The following DCC variants were observed in gnomAD, a reference collection of about 807,000 sequenced individuals.
DCC encodes the protein DCC netrin 1 receptor.
Under a neutral mutation model 172.5 loss-of-function variants are expected in DCC, and 58 were observed. The observed-to-expected ratio is 0.34, with a 90% CI of 0.27 to 0.42. DCC has a LOEUF of 0.42. Among genes scored for constraint, DCC ranks in the 10% least tolerant of loss-of-function variants. The pLI, the probability that DCC is intolerant of heterozygous loss-of-function variation, is 1.00. For missense variants in DCC, 1,740 were observed against 1,791.0 expected (o/e 0.97, Z 0.51); for synonymous variants, 709 against 644.5 (o/e 1.10, Z -1.52).
intron 15 of DCC, among the ~76,000 whole-genome samples, chr18:53,374,513 T>C (rs770089387): frequency 1.3e-5 from 2 of 152,182 alleles, no homozygotes; most frequent in African/African-American, 2.4e-5. Flanking sequence ...ATGTCACCCA[T>C]TGAAGACAAG....
chr18:52,475,564 G>A (rs150099340), intron 1 of DCC, among the ~76,000 whole-genome samples: 2 of 152,040 alleles, frequency 1.3e-5, no homozygotes, highest in Non-Finnish European at 2.9e-5. Context: ...TTATTTAAAG[G>A]CAAAGCGAGT....
At chr18:53,011,365 C>T (rs1236848890) in intron 5 of DCC, among the ~76,000 whole-genome samples, 1 of 151,336 alleles carries the variant, frequency 6.6e-6, no homozygotes, top group Non-Finnish European at 1.5e-5. Context: ...AATATAACCC[C>T]ATATTTTTTA....
chr18:53,491,997 A>T (rs1368042471), intron 26 of DCC, among the ~76,000 whole-genome samples: 3 of 152,056 alleles, frequency 2.0e-5, no homozygotes, highest in African/African-American at 7.2e-5. Flanking sequence ...TTTTAATGAT[A>T]GCTATTCTAA....
chr18:52,815,405 C>T (rs2038275410), intron 2 of DCC, among the ~76,000 whole-genome samples: 1 of 50,264 alleles, frequency 2.0e-5, no homozygotes, highest in Non-Finnish European at 4.4e-5. Flanking sequence ...CTTGCCTTCT[C>T]ACACGTACAC....
chr18:52,472,350 A>G (rs1988971718), intron 1 of DCC, among the ~76,000 whole-genome samples: 1 of 152,050 alleles, frequency 6.6e-6, no homozygotes, highest in African/African-American at 2.4e-5. Flanking sequence ...CTTTTATCCC[A>G]TCAAAAGCAA....
intron 1 of DCC, among the ~76,000 whole-genome samples, chr18:52,357,983 G>A (rs1430696028): frequency 1.3e-5 from 2 of 151,316 alleles, no homozygotes; most frequent in Non-Finnish European, 2.9e-5. Flanking sequence ...TCAGCCAGGT[G>A]ATCAAAGTCA....
chr18:53,476,187 G>A (rs1031642474), intron 25 of DCC, among the ~76,000 whole-genome samples: 1 of 152,212 alleles, frequency 6.6e-6, no homozygotes, highest in African/African-American at 2.4e-5. Context: ...GAAAGGACTT[G>A]CCTTGTCTCA....
chr18:52,888,448 C>A (rs1376002640), intron 2 of DCC, among the ~76,000 whole-genome samples: 7 of 151,996 alleles, frequency 4.6e-5, no homozygotes, highest in Admixed American at 3.9e-4. Context: ...GAGTTTGAAT[C>A]ATATTAAAAA....
intron 1 of DCC, among the ~76,000 whole-genome samples, chr18:52,726,209 C>G (rs1216675678): frequency 2.6e-5 from 4 of 152,126 alleles, no homozygotes; most frequent in African/African-American, 7.2e-5. Context: ...ACGTGGCTTG[C>G]TAATGTCACA....
intron 11 of DCC, among the ~76,000 whole-genome samples, chr18:53,212,702 A>G (rs1211516736): frequency 6.7e-6 from 1 of 149,958 alleles, no homozygotes; most frequent in African/African-American, 2.5e-5. Context: ...ACAGAGTCTC[A>G]CTGTCTTGCC....
At chr18:52,381,774 G>A (rs1166766988) in intron 1 of DCC, among the ~76,000 whole-genome samples, 2 of 152,072 alleles carry the variant, frequency 1.3e-5, no homozygotes, top group East Asian at 3.9e-4. Flanking sequence ...TTCTGCCCTA[G>A]CGAGCTCATT....
intron 12 of DCC, among the ~76,000 whole-genome samples, chr18:53,258,965 G>T (rs899543834): frequency 7.9e-5 from 12 of 152,094 alleles, no homozygotes; most frequent in Non-Finnish European, 1.6e-4. Context: ...ATTATGTAAT[G>T]GCCTTCTGTG....
Position 53,343,340 on chromosome 18 carries a change from T to A in DCC, c.2359+3433T>A, listed in dbSNP as rs905113896. On this transcript the variant is annotated intron_variant, in intron 15 of 28. Coordinates refer to ENST00000442544, the MANE Select transcript of DCC (RefSeq NM_005215.4). ...TTGTGAGATTAAAGAAATGCTATACTCTTTCTAGTTTTCTAGAAATTCTGG... is the reference window on the plus strand; with the variant it reads ...TTGTGAGATTAAAGAAATGCTATACACTTTCTAGTTTTCTAGAAATTCTGG... 5.7e-4 allele frequency among the ~76,000 whole-genome samples: 86 copies of A among 152,008 alleles called. 1 individual carries two copies. The highest frequency in any genetic ancestry group is 7.4e-5 in the Non-Finnish European group (5 of 67,866).
chr18:53,262,077 A>C (rs1409699561), intron 12 of DCC, among the ~76,000 whole-genome samples: 1 of 152,212 alleles, frequency 6.6e-6, no homozygotes, highest in African/African-American at 2.4e-5. Flanking sequence ...ATCTATAGTA[A>C]GTTTCTGTTC....
intron 19 of DCC, among the ~76,000 whole-genome samples, chr18:53,408,363 G>A (rs1269833416): frequency 6.6e-6 from 1 of 152,106 alleles, no homozygotes; most frequent in Non-Finnish European, 1.5e-5. Flanking sequence ...GTTTCACAGG[G>A]GAAATAGTTG....
At chr18:52,807,080 A>G (rs1325861568) in intron 2 of DCC, among the ~76,000 whole-genome samples, 2 of 152,186 alleles carry the variant, frequency 1.3e-5, no homozygotes, top group African/African-American at 4.8e-5. Flanking sequence ...CTGTAGTCCC[A>G]GCTACTCGGG....
rs75685468 is a variant in DCC at position 52,716,031 on chromosome 18, C to A, written c.92-36023C>A. Among the ~76,000 whole-genome samples the A allele has an allele frequency of 6.3e-3, 964 of 152,072 alleles. 37 individuals are homozygous for A. Among genetic ancestry groups the A allele is most frequent in the East Asian group, 0.058 (295 of 5,130 alleles). Reference sequence around the variant, plus strand: ...TCCTCATCTGTAAAAAGAAGGAATCCTTTCTTGCTCTTCAACTCTATGATC... The same window carrying A: ...TCCTCATCTGTAAAAAGAAGGAATCATTTCTTGCTCTTCAACTCTATGATC... On this transcript the variant is annotated intron_variant, in intron 1 of 28. Transcript: ENST00000442544.
At chr18:53,407,555 A>ATATATATATATATATATT (rs1269931007) in intron 19 of DCC, among the ~76,000 whole-genome samples, 3 of 140,484 alleles carry the variant, frequency 2.1e-5, no homozygotes, top group Non-Finnish European at 4.7e-5. Context: ...ATATATATAT[A>ATATATATATATATATATT]TTCACTATTA....
chr18:53,483,303 T>C (rs1434122699), intron 25 of DCC, among the ~76,000 whole-genome samples: 1 of 151,908 alleles, frequency 6.6e-6, no homozygotes, highest in Admixed American at 6.6e-5. Flanking sequence ...CTAATTACTC[T>C]CAAATGTTCA....
Sources: allele counts gnomAD v4.1 joint callset (sites outside exome capture counted in the v4.1 genomes callset), GRCh38; gene constraint gnomAD v4.1.1; transcripts MANE v1.5; gene names NCBI Gene and HGNC (gene_info 2026-07-23, HGNC 2026-07-21).